Variants in MCTP1 observed in about 807,000 individuals in gnomAD.
MCTP1 encodes multiple C2 and transmembrane domain containing 1, also known as multiple C2 and transmembrane domain-containing protein 1.
In MCTP1, 69 loss-of-function variants were observed where a neutral mutation model predicts 120.6. The observed-to-expected ratio is 0.57, with a 90% CI of 0.47 to 0.70. The LOEUF (loss-of-function observed/expected upper bound fraction) is 0.70, where lower values mean the gene tolerates loss of function less well. Among genes scored for constraint, MCTP1 ranks in the 30% least tolerant of loss-of-function variants. The pLI is 0.00. For synonymous variants in MCTP1, 529 were observed against 493.1 expected, an observed-to-expected ratio of 1.07 and a Z score of -0.96; for missense variants, 1,203 against 1,248.8, an observed-to-expected ratio of 0.96 and a Z score of 0.55.
rs571384557 is a variant in MCTP1 at position 95,030,983 on chromosome 5, A to T, written c.721-13499T>A. Among the ~76,000 whole-genome samples the T allele has an allele frequency of 4.6e-5, 7 of 152,294 alleles. No homozygotes were observed. The East Asian group carries it at 1.3e-3, about 29-fold the overall frequency. On this transcript the variant is annotated intron_variant, in intron 1 of 22. Coordinates refer to ENST00000515393, the MANE Select transcript of MCTP1 (RefSeq NM_024717.7). ...TAAAAAAAAAATAGAACTCCAGAAT[A>T]GAAAAGTTCACTAAAAACATGCTTT...
chr5:94,981,724 G>A (rs1829454656), intron 2 of MCTP1, among the ~76,000 whole-genome samples: 1 of 152,104 alleles, frequency 6.6e-6, no homozygotes, highest in South Asian at 2.1e-4. Flanking sequence ...TTTGAAAAGG[G>A]ACTTGAAACA....
chr5:94,743,141 TAAAAAAA>T (rs11327016), intron 19 of MCTP1, among the ~76,000 whole-genome samples: 62 of 138,884 alleles, frequency 4.5e-4, no homozygotes, highest in African/African-American at 1.6e-3. Context: ...TAACCCAATG[TAAAAAAA>T]AAAAAAAAAA....
intron 1 of MCTP1, among the ~76,000 whole-genome samples, chr5:95,162,132 G>C (rs747901594): frequency 6.6e-6 from 1 of 152,168 alleles, no homozygotes; most frequent in Non-Finnish European, 1.5e-5. Flanking sequence ...GCACTGAGAC[G>C]ATAAGTAGGC....
intron 1 of MCTP1, among the ~76,000 whole-genome samples, chr5:95,264,608 C>A (rs1180281944): frequency 6.6e-6 from 1 of 152,192 alleles, no homozygotes; most frequent in Non-Finnish European, 1.5e-5. Context: ...ACCCACCTCT[C>A]TCCCACTCTC....
chr5:94,938,573 T>A (rs887123268), intron 5 of MCTP1, among the ~76,000 whole-genome samples: 1 of 152,038 alleles, frequency 6.6e-6, no homozygotes, highest in Admixed American at 6.6e-5. Flanking sequence ...TTTCCTATAT[T>A]TGCTCTTTCA....
At chr5:95,156,476 C>T (rs1407861492) in intron 1 of MCTP1, among the ~76,000 whole-genome samples, 1 of 152,192 alleles carries the variant, frequency 6.6e-6, no homozygotes, top group African/African-American at 2.4e-5. Context: ...AAGTGAGTTT[C>T]CGTTTAAGCA....
At chr5:95,275,136 G>C (rs1759724176) in intron 1 of MCTP1, among the ~76,000 whole-genome samples, 1 of 152,186 alleles carries the variant, frequency 6.6e-6, no homozygotes, top group African/African-American at 2.4e-5. Flanking sequence ...TTGGGGGAAG[G>C]GGAAGTGGGG....
At chr5:95,040,712 A>G (rs1842194618) in intron 1 of MCTP1, among the ~76,000 whole-genome samples, 1 of 152,070 alleles carries the variant, frequency 6.6e-6, no homozygotes, top group Non-Finnish European at 1.5e-5. Context: ...GGGGTGGAAA[A>G]CAGCACAAAG....
At chr5:94,946,289 C>T (rs1173112388) in intron 3 of MCTP1, among the ~76,000 whole-genome samples, 1 of 152,094 alleles carries the variant, frequency 6.6e-6, no homozygotes, top group East Asian at 1.9e-4. Context: ...GCTGCTTTGT[C>T]CCAGCATTCC....
At chr5:94,743,394 A>C (rs1766034778) in intron 19 of MCTP1, among the ~76,000 whole-genome samples, 1 of 152,070 alleles carries the variant, frequency 6.6e-6, no homozygotes, top group Non-Finnish European at 1.5e-5. Flanking sequence ...CAGAGAAGAC[A>C]GAAATAAAAA....
chr5:95,093,592 T>C (rs1012215714), intron 1 of MCTP1, among the ~76,000 whole-genome samples: 2 of 152,156 alleles, frequency 1.3e-5, no homozygotes, highest in Non-Finnish European at 2.9e-5. Flanking sequence ...TTTGAGGGTC[T>C]TGGGGGAGAG....
chr5:94,840,949 T>C (rs560275419), intron 17 of MCTP1, among the ~76,000 whole-genome samples: 1 of 152,304 alleles, frequency 6.6e-6, no homozygotes, highest in South Asian at 2.1e-4. Flanking sequence ...AGGGAAATTG[T>C]TGATGGAACA....
intron 17 of MCTP1, among the ~76,000 whole-genome samples, chr5:94,845,101 A>G (rs1792026987): frequency 6.6e-6 from 1 of 152,228 alleles, no homozygotes; most frequent in Non-Finnish European, 1.5e-5. Context: ...AATATCCAGA[A>G]TCTATAAGGA....
At chr5:95,180,472 C>T (rs1748477277) in intron 1 of MCTP1, among the ~76,000 whole-genome samples, 1 of 152,248 alleles carries the variant, frequency 6.6e-6, no homozygotes, top group Admixed American at 6.5e-5. Flanking sequence ...AAGCTTCCTC[C>T]TTCTTCACAT....
At chr5:95,022,280 C>A (rs867889516) in intron 1 of MCTP1, among the ~76,000 whole-genome samples, 6 of 152,136 alleles carry the variant, frequency 3.9e-5, no homozygotes, top group African/African-American at 1.4e-4. Context: ...ATAAACTGAG[C>A]CTTCACTTCT....
At chr5:95,078,193 C>A (rs1754103484) in intron 1 of MCTP1, among the ~76,000 whole-genome samples, 1 of 152,184 alleles carries the variant, frequency 6.6e-6, no homozygotes, top group Admixed American at 6.5e-5. Context: ...TAAACTTCTC[C>A]ATTCTACAAT....
At chr5:95,124,748 T>G (rs1347928912) in intron 1 of MCTP1, among the ~76,000 whole-genome samples, 1 of 152,166 alleles carries the variant, frequency 6.6e-6, no homozygotes, top group Non-Finnish European at 1.5e-5. Flanking sequence ...CTATGCAGGG[T>G]TTTGTCATGG....
chr5:95,144,098 A>G (rs1177211338), intron 1 of MCTP1, among the ~76,000 whole-genome samples: 3 of 152,128 alleles, frequency 2.0e-5, no homozygotes, highest in Non-Finnish European at 4.4e-5. Flanking sequence ...AATAAGTGTT[A>G]TTCTGACTGG....
chr5:95,180,511 T>C (rs1748483686), intron 1 of MCTP1, among the ~76,000 whole-genome samples: 1 of 152,236 alleles, frequency 6.6e-6, no homozygotes, highest in African/African-American at 2.4e-5. Flanking sequence ...CTGGGCACTG[T>C]GCTTTCTTGG....
Sources: allele counts gnomAD v4.1 joint callset (sites outside exome capture counted in the v4.1 genomes callset), GRCh38; gene constraint gnomAD v4.1.1; transcripts MANE v1.5; gene names NCBI Gene and HGNC (gene_info 2026-07-23, HGNC 2026-07-21).